ETS1: variants seen among roughly 807,000 people sequenced by gnomAD.
ETS1 encodes the protein protein C-ets-1.
A neutral mutation model predicts 58.6 loss-of-function variants in ETS1; 15 were observed. That is an observed-to-expected ratio of 0.26 (90% CI 0.17 to 0.39). ETS1 has a LOEUF of 0.39. Among genes scored for constraint, ETS1 ranks in the 10% least tolerant of loss-of-function variants. The pLI is 1.00. For synonymous variants in ETS1, 214 were observed against 218.2 expected (o/e 0.98, Z 0.17); for missense variants, 417 against 610.5 (o/e 0.68, Z 3.34).
In ETS1 at chr11:128,544,691, G is replaced by GA. The variant is rs113241627; in HGVS notation, c.214+11599dup. On this transcript the variant is annotated intron_variant, in intron 3 of 9. Transcript: ENST00000392668. Reference sequence around the variant, plus strand: ...AGCAGACGTCTTCTGCCAGGAAAAGGAAAAAAAAAATGCACTCTACACTCA... The same window carrying GA: ...AGCAGACGTCTTCTGCCAGGAAAAGGAAAAAAAAAAATGCACTCTACACTCA... Among the ~76,000 whole-genome samples the GA allele has an allele frequency of 8.0e-3, 1,182 of 148,158 alleles. 18 individuals carry two copies. The highest frequency in any genetic ancestry group is 0.024 in the African/African-American group (965 of 40,454).
At chr11:128,474,063 A>G (rs1166839263) in intron 8 of ETS1, among the ~76,000 whole-genome samples, 1 of 152,230 alleles carries the variant, frequency 6.6e-6, no homozygotes, top group Non-Finnish European at 1.5e-5. Flanking sequence ...GTGAGACTTT[A>G]TTAAAGAAAC....
At chr11:128,539,860 A>G (rs944153427) in intron 3 of ETS1, among the ~76,000 whole-genome samples, 1 of 152,254 alleles carries the variant, frequency 6.6e-6, no homozygotes, top group Non-Finnish European at 1.5e-5. Context: ...GTGGCCAGTC[A>G]CAAAGGTCAC....
intron 3 of ETS1, among the ~76,000 whole-genome samples, chr11:128,546,567 T>C (rs553434926): frequency 7.2e-5 from 11 of 152,362 alleles, no homozygotes; most frequent in African/African-American, 2.4e-4. Flanking sequence ...GTGAATGATA[T>C]GTAAATAGTT....
chr11:128,497,961 T>C (rs957266995), intron 3 of ETS1, among the ~76,000 whole-genome samples: 1 of 149,096 alleles, frequency 6.7e-6, no homozygotes, highest in Non-Finnish European at 1.5e-5. Flanking sequence ...TCTCCCACCC[T>C]AAACATTGGG....
intron 8 of ETS1, among the ~76,000 whole-genome samples, chr11:128,466,688 T>C (rs1862045451): frequency 6.6e-6 from 1 of 150,420 alleles, no homozygotes; most frequent in Admixed American, 6.8e-5. Flanking sequence ...TTGTGACTTT[T>C]CCTTTGTTCA....
chr11:128,502,006 G>GGAGA (rs144443527), intron 3 of ETS1, among the ~76,000 whole-genome samples: 2 of 149,968 alleles, frequency 1.3e-5, no homozygotes, highest in Admixed American at 1.3e-4. Flanking sequence ...GGGGTGGGGT[G>GGAGA]GAGAGAGAGA....
Position 128,584,978 on chromosome 11 carries a change from G to GAAAGAAAGAAAGAAAGA in ETS1, c.-15+2509_-15+2510insTCTTTCTTTCTTTCTTT, listed in dbSNP as rs1212426438. ...AGAAAGAAAGAAAGAAAGAAAGAAA[G>GAAAGAAAGAAAGAAAGA]AAAGAAAGAAAGGAAGGAAGGAAGG... On this transcript the variant is annotated intron_variant, in intron 1 of 9. Coordinates refer to ENST00000392668, the MANE Select transcript of ETS1 (RefSeq NM_001143820.2). 8.7e-4 allele frequency among the ~76,000 whole-genome samples: 7 copies of GAAAGAAAGAAAGAAAGA among 8,048 alleles called. 1 individual carries two copies. The highest frequency in any genetic ancestry group is 5.8e-3 in the Admixed American group (5 of 866). The allele number at this position is 8,048 out of a possible 152,430, so 5.3% of individuals were successfully genotyped here.
At chr11:128,544,340 A>ATATAT (rs71472068) in intron 3 of ETS1, among the ~76,000 whole-genome samples, 5 of 117,088 alleles carry the variant, frequency 4.3e-5, no homozygotes, top group African/African-American at 1.6e-4. Flanking sequence ...ATTGTTTACT[A>ATATAT]ATATATATAT....
At position 128,585,135 on chromosome 11, in the gene ETS1, GAAA is replaced by G. The variant is rs1176013729; in HGVS notation, c.-15+2350_-15+2352del. On this transcript the variant is annotated intron_variant, in intron 1 of 9. Coordinates refer to ENST00000392668, the MANE Select transcript of ETS1 (RefSeq NM_001143820.2). Reference sequence around the variant, plus strand: ...AGGAAGGAAAGAAAGAAGAAAGAAAGAAAAGAAAGAAAGAAAGAAAGAAAGAAA... The same window carrying G: ...AGGAAGGAAAGAAAGAAGAAAGAAAGAGAAAGAAAGAAAGAAAGAAAGAAA... 4.3e-3 allele frequency among the ~76,000 whole-genome samples: 28 copies of G among 6,540 alleles called. 1 individual carries two copies. Among genetic ancestry groups the G allele is most frequent in the Admixed American group, 8.6e-3 (4 of 466 alleles). 4.3% of individuals were successfully genotyped at this position (6,540 alleles called of 152,430 possible).
intron 1 of ETS1, among the ~76,000 whole-genome samples, chr11:128,584,790 A>G (rs1864940145): frequency 6.6e-6 from 1 of 151,668 alleles, no homozygotes; most frequent in Non-Finnish European, 1.5e-5. Context: ...ATTGCTGCAT[A>G]CCACATTAAT....
At chr11:128,496,193 A>T (rs28515918) in intron 3 of ETS1, among the ~76,000 whole-genome samples, 1 of 152,146 alleles carries the variant, frequency 6.6e-6, no homozygotes, top group Non-Finnish European at 1.5e-5. Flanking sequence ...ATCTAGGTCT[A>T]TATTTCATGC....
At chr11:128,525,974 C>CT (rs1378467278) in intron 3 of ETS1, among the ~76,000 whole-genome samples, 1 of 152,192 alleles carries the variant, frequency 6.6e-6, no homozygotes, top group Non-Finnish European at 1.5e-5. Context: ...CTGTTGCTGA[C>CT]TGCAGGCTGG....
chr11:128,467,583 A>T (rs1862072552), intron 8 of ETS1, among the ~76,000 whole-genome samples: 1 of 151,760 alleles, frequency 6.6e-6, no homozygotes, highest in Admixed American at 6.6e-5. Context: ...TCTTCCACCT[A>T]CCCAAATGGA....
chr11:128,478,400 G>C (rs1363807718), intron 8 of ETS1, among the ~76,000 whole-genome samples: 3 of 96,958 alleles, frequency 3.1e-5, no homozygotes, highest in Non-Finnish European at 6.3e-5. Context: ...AGGGAGGGAG[G>C]AAGGGAGGGA....
chr11:128,548,152 G>GAAGGGAAGGGAAGGGAAGGA (rs1565405277), intron 3 of ETS1, among the ~76,000 whole-genome samples: 3 of 95,738 alleles, frequency 3.1e-5, no homozygotes, highest in African/African-American at 1.6e-4. Context: ...GAAGGGAAGG[G>GAAGGGAAGGGAAGGGAAGGA]AAGGAAAGGA....
chr11:128,544,931 G>C (rs1864110140), intron 3 of ETS1, among the ~76,000 whole-genome samples: 1 of 151,900 alleles, frequency 6.6e-6, no homozygotes, highest in African/African-American at 2.4e-5. Context: ...GTACACTGTG[G>C]GTAGCTTCAA....
At chr11:128,528,149 G>A (rs991086660) in intron 3 of ETS1, among the ~76,000 whole-genome samples, 3 of 152,292 alleles carry the variant, frequency 2.0e-5, no homozygotes, top group East Asian at 1.9e-4. Context: ...TGTTCTTGTC[G>A]TTCTGGGACT....
intron 2 of ETS1, among the ~76,000 whole-genome samples, chr11:128,564,548 A>G (rs1326720639): frequency 1.3e-5 from 2 of 152,158 alleles, no homozygotes; most frequent in Non-Finnish European, 2.9e-5. Context: ...TACCAGCCTG[A>G]GACCAGGACA....
chr11:128,496,764 T>C (rs1176079098), intron 3 of ETS1, among the ~76,000 whole-genome samples: 1 of 152,166 alleles, frequency 6.6e-6, no homozygotes, highest in Non-Finnish European at 1.5e-5. Context: ...ATTCCTGTGA[T>C]AGGCACTAGA....
Sources: gnomAD v4.1 joint callset for allele counts (sites outside exome capture counted in the v4.1 genomes callset) on GRCh38, gnomAD v4.1.1 for gene constraint, MANE v1.5 for transcripts, NCBI Gene and HGNC (gene_info 2026-07-23, HGNC 2026-07-21) for gene names.